Variants in FAF1 observed in about 807,000 individuals in gnomAD.
The protein encoded by FAF1 is FAS-associated factor 1.
FAF1 carries 25 observed loss-of-function variants against 92.5 expected under a neutral mutation model. The ratio of observed to expected loss-of-function variants is 0.27; its 90% CI spans 0.20 to 0.38. FAF1 has a LOEUF of 0.38. Ranked by LOEUF, FAF1 falls within the 10% of genes least tolerant of loss-of-function variation. The probability of loss-of-function intolerance (pLI) is 1.00; values close to 1 mark genes in which losing one functional copy is unlikely to be tolerated. For missense variants in FAF1, 636 were observed against 793.3 expected (o/e 0.80, Z 2.38); for synonymous variants, 234 against 273.2 (o/e 0.86, Z 1.42).
In FAF1 at chr1:50,473,870, AC is replaced by A. The variant is rs1277357274; in HGVS notation, c.1869+1593del. On this transcript the variant is annotated intron_variant, in intron 18 of 18. Transcript: ENST00000396153. ...CAGCCAATGTGAGGGACTTAGATGT[AC>A]CTTAATGAAACTCTGGGTTTTGGTA... 2.0e-5 allele frequency among the ~76,000 whole-genome samples: 3 copies of A among 152,174 alleles called. No individual in the cohort carries two copies. In the East Asian group the frequency reaches 5.8e-4, roughly 29 times the overall value.
At chr1:50,621,692 A>G (rs1653216916) in intron 8 of FAF1, among the ~76,000 whole-genome samples, 1 of 151,556 alleles carries the variant, frequency 6.6e-6, no homozygotes, top group Non-Finnish European at 1.5e-5. Context: ...GAGGCACTGC[A>G]CCTGGCCCAG....
At chr1:50,952,870 G>C (rs1451967990) in intron 1 of FAF1, among the ~76,000 whole-genome samples, 1 of 151,986 alleles carries the variant, frequency 6.6e-6, no homozygotes, top group African/African-American at 2.4e-5. Flanking sequence ...CCCTCTGCCC[G>C]GCCGCCACCC....
At chr1:50,572,001 T>C (rs1650467834) in intron 12 of FAF1, among the ~76,000 whole-genome samples, 1 of 152,246 alleles carries the variant, frequency 6.6e-6, no homozygotes, top group African/African-American at 2.4e-5. Flanking sequence ...TTTTTCAGTG[T>C]TAAAACTATA....
intron 7 of FAF1, among the ~76,000 whole-genome samples, chr1:50,668,680 A>G (rs1170259808): frequency 6.6e-6 from 1 of 152,222 alleles, no homozygotes; most frequent in African/African-American, 2.4e-5. Context: ...GATGCTGCCA[A>G]TGCTCAAAAG....
rs986203056 is a variant in FAF1 at position 50,877,156 on chromosome 1, T to C, written c.46-19159A>G. On this transcript the variant is annotated intron_variant, in intron 1 of 18. Transcript: ENST00000396153. The stretch of plus-strand genomic sequence containing the variant: ...CAGCACAGGTAGTGGGGAGAAAGAG[T>C]ACCTTTACAGTGGAGAAACCTAACA... Among the ~76,000 whole-genome samples, 12 of 152,284 alleles carry C rather than the reference T, an allele frequency of 7.9e-5. No individual in the cohort carries two copies. The South Asian group carries it at 2.5e-3, about 32-fold the overall frequency.
intron 1 of FAF1, among the ~76,000 whole-genome samples, chr1:50,869,514 T>G (rs927504872): frequency 6.6e-6 from 1 of 152,178 alleles, no homozygotes; most frequent in African/African-American, 2.4e-5. Flanking sequence ...ATCTAAGACA[T>G]TCTCAACTTT....
intron 4 of FAF1, among the ~76,000 whole-genome samples, chr1:50,786,504 G>C (rs888485547): frequency 6.6e-6 from 1 of 152,182 alleles, no homozygotes; most frequent in Admixed American, 6.5e-5. Flanking sequence ...AGTTATGTAA[G>C]ATGAAAAAGT....
chr1:50,621,546 C>T (rs1253256579), intron 8 of FAF1, among the ~76,000 whole-genome samples: 5 of 151,404 alleles, frequency 3.3e-5, no homozygotes, highest in South Asian at 2.1e-4. Context: ...ACTACAGGGG[C>T]GCACCACCAC....
intron 8 of FAF1, among the ~76,000 whole-genome samples, chr1:50,630,436 G>A (rs1223367998): frequency 2.0e-5 from 3 of 152,086 alleles, no homozygotes; most frequent in African/African-American, 7.2e-5. Context: ...CTGGATTCAG[G>A]AATAAGTTGC....
chr1:50,587,063 G>T (rs1341492734), intron 9 of FAF1, among the ~76,000 whole-genome samples: 4 of 152,138 alleles, frequency 2.6e-5, no homozygotes, highest in South Asian at 4.2e-4. Flanking sequence ...TAAGAACAAG[G>T]GGTGGGAGAC....
intron 13 of FAF1, among the ~76,000 whole-genome samples, chr1:50,541,769 G>A (rs1422878462): frequency 1.3e-5 from 2 of 151,448 alleles, no homozygotes; most frequent in Non-Finnish European, 2.9e-5. Context: ...GAGAGAGAGA[G>A]AAGAGAAATA....
chr1:50,673,243 C>A (rs1160241526), intron 7 of FAF1, among the ~76,000 whole-genome samples: 1 of 149,884 alleles, frequency 6.7e-6, no homozygotes. Context: ...GGGAACAGAG[C>A]GAGACTCTGT....
At chr1:50,498,581 C>CT (rs1307300290) in intron 15 of FAF1, among the ~76,000 whole-genome samples, 1 of 151,936 alleles carries the variant, frequency 6.6e-6, no homozygotes, top group Non-Finnish European at 1.5e-5. Flanking sequence ...TGGTCAAAGG[C>CT]TGGGACAACT....
chr1:50,571,954 G>T (rs1373371636), intron 12 of FAF1, among the ~76,000 whole-genome samples: 2 of 152,160 alleles, frequency 1.3e-5, no homozygotes, highest in Non-Finnish European at 2.9e-5. Context: ...AAGTTGATAT[G>T]ACAATTTCTG....
At chr1:50,885,931 G>C (rs1243408439) in intron 1 of FAF1, among the ~76,000 whole-genome samples, 4 of 152,044 alleles carry the variant, frequency 2.6e-5, no homozygotes, top group Non-Finnish European at 5.9e-5. Flanking sequence ...ATAACAACTT[G>C]AAACTGTTTA....
At chr1:50,865,215 T>C (rs1052508511) in intron 1 of FAF1, among the ~76,000 whole-genome samples, 3 of 151,950 alleles carry the variant, frequency 2.0e-5, no homozygotes, top group Non-Finnish European at 2.9e-5. Flanking sequence ...TGTGGAGAAA[T>C]AGGAACACTT....
chr1:50,882,932 C>T (rs72692207), intron 1 of FAF1, among the ~76,000 whole-genome samples: 1,917 of 149,746 alleles, frequency 0.013, 17 homozygotes, highest in Middle Eastern at 0.02. Flanking sequence ...TGTAGTAAGC[C>T]GAGATTGCGC....
chr1:50,517,172 C>T (rs1364615988), intron 15 of FAF1, among the ~76,000 whole-genome samples: 1 of 151,996 alleles, frequency 6.6e-6, no homozygotes, highest in Non-Finnish European at 1.5e-5. Context: ...TATTTAAAAA[C>T]AAAATGCTAG....
At chr1:50,616,681 AT>A (rs201295380) in intron 8 of FAF1, among the ~76,000 whole-genome samples, 7,467 of 136,020 alleles carry the variant, frequency 0.055, 449 homozygotes, top group African/African-American at 0.16. Context: ...TTGTATACTG[AT>A]TTTTTTTTTT....
Sources: gnomAD v4.1 joint callset for allele counts (sites outside exome capture counted in the v4.1 genomes callset) on GRCh38, gnomAD v4.1.1 for gene constraint, MANE v1.5 for transcripts, NCBI Gene and HGNC (gene_info 2026-07-23, HGNC 2026-07-21) for gene names.